Variants in ARRDC1 observed in about 807,000 individuals in gnomAD.
ARRDC1 encodes the protein arrestin domain containing 1.
ARRDC1 carries 37 observed loss-of-function variants against 40.1 expected under a neutral mutation model. The observed-to-expected ratio is 0.92, with a 90% CI of 0.71 to 1.21. The LOEUF (loss-of-function observed/expected upper bound fraction) is 1.21, where lower values mean the gene tolerates loss of function less well. Among genes scored for constraint, ARRDC1 ranks in the 50% most tolerant of loss-of-function variants. The pLI, the probability that ARRDC1 is intolerant of heterozygous loss-of-function variation, is 0.00. For missense variants in ARRDC1, 641 were observed against 581.9 expected, an observed-to-expected ratio of 1.10 and a Z score of -1.04; for synonymous variants, 310 against 262.5, an observed-to-expected ratio of 1.18 and a Z score of -1.75.
intron 2 of ARRDC1, 147 bp downstream of exon 2, chr9:137,613,153 C>T (rs1299586137): frequency 1.2e-6 from 1 of 800,908 alleles, no homozygotes; most frequent in Non-Finnish European, 2.1e-6. Flanking sequence ...GCCCTGATGG[C>T]TTTCTCATAG....
chr9:137,612,817 G>A (rs1370529731), intron 1 of ARRDC1, 79 bp from the exon 2 acceptor site: 14 of 1,147,182 alleles, frequency 1.2e-5, no homozygotes, highest in Non-Finnish European at 1.7e-5. Context: ...CTTGGCCCCA[G>A]GTCGAATTCC....
At position 137,615,076 on chromosome 9, in the gene ARRDC1, G is replaced by A; in HGVS notation, c.1240G>A (p.Ala414Thr). ...EYSSWGYPYE[A>T]PPSYEQSCGG... ...CAGACCCTGCTTTCTTCCCGCAGAG[G>A]CCCCACCGTCTTATGAGCAGAGCTG... The change falls in exon 8 of 8, where the codon GCC (alanine) becomes ACC (threonine). Residue 414 changes from alanine (A) to threonine (T), a missense_variant and splice_region_variant. Ala to Thr is a moderately conservative substitution (Grantham distance 58). Transcript: ENST00000371421. The A allele has an allele frequency of 2.5e-6, 4 of 1,599,186 alleles. No homozygotes were observed. The highest frequency in any genetic ancestry group is 3.4e-6 in the Non-Finnish European group (4 of 1,171,848).
At chr9:137,613,027 C>A in intron 2 of ARRDC1, 21 bp downstream of exon 2, 1 of 1,590,256 alleles carries the variant, frequency 6.3e-7, no homozygotes, top group Non-Finnish European at 8.6e-7. Context: ...GAGCCAGTTC[C>A]CGAGTGGTGA....
At chr9:137,609,514 G>T (rs1842477187) in intron 1 of ARRDC1, among the ~76,000 whole-genome samples, 1 of 151,788 alleles carries the variant, frequency 6.6e-6, no homozygotes, top group Non-Finnish European at 1.5e-5. Context: ...GATTACAGGC[G>T]TGAGCCACTG....
At chr9:137,607,437 C>T (rs529472852) in intron 1 of ARRDC1, among the ~76,000 whole-genome samples, 4 of 152,330 alleles carry the variant, frequency 2.6e-5, no homozygotes, top group Admixed American at 6.5e-5. Flanking sequence ...GTGAGGACAC[C>T]GGCTGTCTAA....
At chr9:137,610,999 G>T (rs886249908) in intron 1 of ARRDC1, among the ~76,000 whole-genome samples, 8 of 152,242 alleles carry the variant, frequency 5.3e-5, no homozygotes, top group Admixed American at 2.6e-4. Context: ...ACCCAGCTGG[G>T]TCCCAGCATT....
In ARRDC1 at chr9:137,606,084, G is replaced by T. The variant is rs1012188702; in HGVS notation, c.118+249G>T. Among the ~76,000 whole-genome samples the T allele has an allele frequency of 2.6e-5, 4 of 151,482 alleles. No homozygotes were observed. The East Asian group carries it at 7.8e-4, about 29-fold the overall frequency. On this transcript the variant is annotated intron_variant, in intron 1 of 7. Coordinates refer to ENST00000371421, the MANE Select transcript of ARRDC1 (RefSeq NM_152285.4). ...GCGGGGCCTGAAGCGGGTCCACTGT[G>T]GAGGACGCCCTGAGCGCGGGCGCAC...
rs371786829 is a variant in ARRDC1, at chr9:137,613,023, G to C, written c.229+17G>C. ...CAGACAAGGGTAAGTTTGGGAGCCAGTTCCCGAGTGGTGACCCCTGGGGGC... is the reference window on the plus strand; with the variant it reads ...CAGACAAGGGTAAGTTTGGGAGCCACTTCCCGAGTGGTGACCCCTGGGGGC... On this transcript the variant is annotated intron_variant, in intron 2 of 7. Transcript: ENST00000371421. 2 of 1,597,678 alleles carry C rather than the reference G, an allele frequency of 1.3e-6. No homozygotes were observed. Among genetic ancestry groups the C allele is most frequent in the African/African-American group, 1.3e-5 (1 of 74,744 alleles).
At chr9:137,609,898 C>G (rs2133331415) in intron 1 of ARRDC1, among the ~76,000 whole-genome samples, 1 of 152,152 alleles carries the variant, frequency 6.6e-6, no homozygotes, top group South Asian at 2.1e-4. Flanking sequence ...CCTGCAAGCT[C>G]CACCTTCCGG....
intron 1 of ARRDC1, among the ~76,000 whole-genome samples, chr9:137,606,651 A>G (rs1842428454): frequency 2.0e-5 from 3 of 152,188 alleles, no homozygotes; most frequent in Non-Finnish European, 4.4e-5. Context: ...GCACCGCCTG[A>G]GGCTGTGGGG....
chr9:137,613,630 C>T lies in ARRDC1; in HGVS notation c.296C>T (p.Ser99Phe), dbSNP rs986237461. Reference sequence around the variant, plus strand: ...CTCTCCCCAGCCACTGCACCCACGTCCTTTGAGGGTCCTTTCGGGAAGATC... The same window carrying T: ...CTCTCCCCAGCCACTGCACCCACGTTCTTTGAGGGTCCTTTCGGGAAGATC... The part of the protein sequence containing the change: ...QFLLPATAPT[S>F]FEGPFGKIVH... The change falls in exon 4 of 8, where the codon TCC becomes TTC. Residue 99 changes from serine (S) to phenylalanine (F), a missense_variant. Coordinates refer to ENST00000371421, the MANE Select transcript of ARRDC1 (RefSeq NM_152285.4). 1 of 1,614,242 alleles carries T rather than the reference C, an allele frequency of 6.2e-7. No homozygotes were observed. The highest frequency in any genetic ancestry group is 1.7e-5 in the Admixed American group (1 of 60,030).
chr9:137,606,465 TGG>T (rs1842425588), intron 1 of ARRDC1, among the ~76,000 whole-genome samples: 1 of 152,240 alleles, frequency 6.6e-6, no homozygotes, highest in Non-Finnish European at 1.5e-5. Context: ...TGGCCTCCTG[TGG>T]GAACCACCTG....
chr9:137,614,280 C>G lies in ARRDC1; in HGVS notation c.619-19C>G. The G allele has an allele frequency of 6.3e-7, 1 of 1,581,356 alleles. No individual in the cohort carries two copies. The highest frequency in any genetic ancestry group is 1.3e-5 in the African/African-American group (1 of 74,456). On this transcript the variant is annotated intron_variant, in intron 5 of 7. Coordinates refer to ENST00000371421, the MANE Select transcript of ARRDC1 (RefSeq NM_152285.4). ...TGGGCTGGCAGCCTGCGCAGGCTCA[C>G]AGGCTGGTCCTTCCCCAGAAAGTGT...
chr9:137,606,437 C>T (rs1842425061), intron 1 of ARRDC1, among the ~76,000 whole-genome samples: 1 of 152,238 alleles, frequency 6.6e-6, no homozygotes, highest in African/African-American at 2.4e-5. Flanking sequence ...CGCGTCCCTG[C>T]CGGGGACTTC....
chr9:137,613,585 G>T, intron 3 of ARRDC1, 30 bp from the exon 4 acceptor site: 1 of 1,614,142 alleles, frequency 6.2e-7, no homozygotes, highest in Non-Finnish European at 8.5e-7. Context: ...GTGGAAGGCA[G>T]CCAGGTACCA....
rs1842639437 is a variant in ARRDC1 at position 137,614,889 on chromosome 9, A to G, written c.1126A>G (p.Ile376Val). 6.2e-7 allele frequency: 1 copy of G among 1,613,716 alleles called. No individual in the cohort carries two copies. The highest frequency in any genetic ancestry group is 1.6e-4 in the Middle Eastern group (1 of 6,062). Residue 376 changes from isoleucine (I) to valine (V), a missense_variant, in exon 7 of 8, where the codon ATT becomes GTT. Coordinates refer to ENST00000371421, the MANE Select transcript of ARRDC1 (RefSeq NM_152285.4). ...ACACCCGCTGCACCCTCCCTTGTGC[A>G]TTTCAACAGGTGCCACTGTCCCCTA... ...ASHPLHPPLC[I>V]STGATVPYFA...
chr9:137,614,473 C>G lies in ARRDC1; in HGVS notation c.793C>G (p.Gln265Glu). Residue 265 changes from glutamine to glutamate, a missense_variant and splice_region_variant, in exon 6 of 8, where the codon CAG becomes GAG. Physicochemically the swap from Gln to Glu is conservative, Grantham distance 29. Transcript: ENST00000371421. The part of the protein sequence containing the change: ...CSLIHIDYYL[Q>E]VSLKAPEATV... ...CCTCATCCACATCGACTACTACTTA[C>G]AGGTTTGGTGCTGCTGGGGGCTGGG... 1.9e-6 allele frequency: 3 copies of G among 1,613,372 alleles called. No individual in the cohort carries two copies. The highest frequency in any genetic ancestry group is 2.5e-6 in the Non-Finnish European group (3 of 1,179,958).
At chr9:137,613,936 G>A (rs1488700447) in intron 4 of ARRDC1, 96 bp from the exon 5 acceptor site, 1 of 1,555,700 alleles carries the variant, frequency 6.4e-7, no homozygotes, top group Non-Finnish European at 8.8e-7. Context: ...CTGATGTCCA[G>A]GGGCAGGGCG....
chr9:137,610,608 G>A (rs895151408), intron 1 of ARRDC1, among the ~76,000 whole-genome samples: 3 of 149,958 alleles, frequency 2.0e-5, no homozygotes, highest in Admixed American at 1.3e-4. Context: ...TTGTTGCTCA[G>A]GCTGGAGTGC....
Sources: allele counts gnomAD v4.1 joint callset (sites outside exome capture counted in the v4.1 genomes callset), GRCh38; gene constraint gnomAD v4.1.1; transcripts MANE v1.5; gene names NCBI Gene and HGNC (gene_info 2026-07-23, HGNC 2026-07-21).